Variants in CTDSP2 observed in about 807,000 individuals in gnomAD.
CTDSP2 encodes CTD small phosphatase 2, also known as carboxy-terminal domain RNA polymerase II polypeptide A small phosphatase 2.
CTDSP2 carries 9 observed loss-of-function variants against 31.6 expected under a neutral mutation model. The ratio of observed to expected loss-of-function variants is 0.28; its 90% CI spans 0.17 to 0.50. The LOEUF is 0.50. CTDSP2 is among the 20% of genes least tolerant of loss of function. CTDSP2 has a pLI of 0.98. For synonymous variants in CTDSP2, 134 were observed against 134.5 expected (o/e 1.00, Z 0.03); for missense variants, 267 against 348.5 (o/e 0.77, Z 1.86).
chr12:57,827,398 G>T, intron 3 of CTDSP2, 154 bp downstream of exon 3: 1 of 778,098 alleles, frequency 1.3e-6, no homozygotes. Context: ...CTTGCACATA[G>T]CAGGCCCTCA....
chr12:57,829,724 A>C, intron 1 of CTDSP2, 128 bp from the exon 2 acceptor site: 1 of 693,370 alleles, frequency 1.4e-6, no homozygotes, highest in South Asian at 2.0e-5. Flanking sequence ...GCTGGTGAAC[A>C]ACCACATACA....
chr12:57,828,745 A>G (rs1008101661), intron 2 of CTDSP2, among the ~76,000 whole-genome samples: 4 of 152,250 alleles, frequency 2.6e-5, no homozygotes, highest in African/African-American at 9.6e-5. Flanking sequence ...CCTGGTCTTG[A>G]GAAAAAGGAA....
rs1956201716 is a variant in CTDSP2 at position 57,829,433 on chromosome 12, C to T, written c.213+15G>A. 6.2e-7 allele frequency: 1 copy of T among 1,611,446 alleles called. No individual in the cohort carries two copies. The highest frequency in any genetic ancestry group is 1.1e-5 in the South Asian group (1 of 91,030). On this transcript the variant is annotated intron_variant, in intron 2 of 7. Transcript: ENST00000398073. ...TCCCTTCATTGCTGGCATCTTACCACCCCAACCCACCTACCTTAGCAATGG... is the reference window on the plus strand; with the variant it reads ...TCCCTTCATTGCTGGCATCTTACCATCCCAACCCACCTACCTTAGCAATGG...
In CTDSP2 at chr12:57,846,639, C is replaced by T. The variant is rs897425852; in HGVS notation, c.-204G>A. ...AGGGCGGGCGGCCCGGGCAGCGGCT[C>T]CCCCGGGTGCCCCCGGCCCCGATCC... On this transcript the variant is annotated 5_prime_UTR_variant, in exon 1 of 8. Coordinates refer to ENST00000398073, the MANE Select transcript of CTDSP2 (RefSeq NM_005730.4). The T allele has an allele frequency of 1.3e-5, 6 of 455,942 alleles. No homozygotes were observed. Among genetic ancestry groups the T allele is most frequent in the South Asian group, 3.7e-5 (1 of 26,682 alleles). The allele number at this position is 455,942 out of a possible 1,614,324, so 28.2% of individuals were successfully genotyped here. A position where few individuals can be genotyped will look rare whatever the true frequency, so the allele number is the denominator to read the frequency against.
At chr12:57,844,710 G>A (rs570753439) in intron 1 of CTDSP2, among the ~76,000 whole-genome samples, 11 of 152,226 alleles carry the variant, frequency 7.2e-5, no homozygotes, top group African/African-American at 2.6e-4. Flanking sequence ...AGCAGAGGCG[G>A]TGAAGTTGCT....
At chr12:57,841,806 A>C (rs1956284188) in intron 1 of CTDSP2, among the ~76,000 whole-genome samples, 1 of 152,232 alleles carries the variant, frequency 6.6e-6, no homozygotes, top group Admixed American at 6.5e-5. Context: ...TAGTCTAACT[A>C]TGTAAAGAGG....
At chr12:57,834,476 C>T (rs1323213163) in intron 1 of CTDSP2, among the ~76,000 whole-genome samples, 2 of 152,186 alleles carry the variant, frequency 1.3e-5, no homozygotes, top group African/African-American at 4.8e-5. Context: ...CCACCCCCAC[C>T]CCTGCCTGCA....
intron 5 of CTDSP2, chr12:57,824,804 A>G (rs931284478): frequency 2.5e-6 from 1 of 402,284 alleles, no homozygotes; most frequent in Non-Finnish European, 5.1e-6. Context: ...ACCATAGACT[A>G]GACAGACACC....
rs1043792784 is a variant in CTDSP2 at position 57,846,654 on chromosome 12, G to A, written c.-219C>T. 4 of 450,556 alleles carry A rather than the reference G, an allele frequency of 8.9e-6. No homozygotes were observed. Among genetic ancestry groups the A allele is most frequent in the African/African-American group, 4.2e-5 (2 of 47,840 alleles). The allele number at this position is 450,556 out of a possible 1,614,324, so 27.9% of individuals were successfully genotyped here. Reference sequence around the variant, plus strand: ...GGCAGCGGCTCCCCCGGGTGCCCCCGGCCCCGATCCCCCAGCGGCAGCTCC... The same window carrying A: ...GGCAGCGGCTCCCCCGGGTGCCCCCAGCCCCGATCCCCCAGCGGCAGCTCC... On this transcript the variant is annotated 5_prime_UTR_variant, in exon 1 of 8. Transcript: ENST00000398073.
rs1453545683 is a variant in CTDSP2, at chr12:57,823,056, C to T, written c.*546G>A. ...TGCTGGTCTGGAAACAAGTTCTCAT[C>T]TTCCCAGAAATGTGATCTTTTGTCT... On this transcript the variant is annotated 3_prime_UTR_variant, in exon 8 of 8. Transcript: ENST00000398073. 2 of 156,314 alleles carry T rather than the reference C, an allele frequency of 1.3e-5. No individual in the cohort carries two copies. The highest frequency in any genetic ancestry group is 4.8e-5 in the African/African-American group (2 of 41,498). The allele number at this position is 156,314 out of a possible 1,614,324, so 9.7% of individuals were successfully genotyped here.
At position 57,821,676 on chromosome 12, in the gene CTDSP2, CAA is replaced by C. The variant is rs895178806; in HGVS notation, c.*1924_*1925del. On this transcript the variant is annotated 3_prime_UTR_variant, in exon 8 of 8. Coordinates refer to ENST00000398073, the MANE Select transcript of CTDSP2 (RefSeq NM_005730.4). ...AAGAGTCTGAGCTCCTGCTTTCCTT[CAA>C]GAGACAGTATATTTCTGGCTAGCAC... 2.1e-4 allele frequency: 32 copies of C among 152,364 alleles called. No homozygotes were observed. Among genetic ancestry groups the C allele is most frequent in the African/African-American group, 7.7e-4 (32 of 41,578 alleles). The allele number at this position is 152,364 out of a possible 1,614,324, so 9.4% of individuals were successfully genotyped here.
In CTDSP2 at chr12:57,846,527, C is replaced by T. The variant is rs953784507; in HGVS notation, c.-92G>A. On this transcript the variant is annotated 5_prime_UTR_variant, in exon 1 of 8. Transcript: ENST00000398073. Reference sequence around the variant, plus strand: ...TGGGGGGCCTGGGCGGGGGCCCGCTCCGGCTCCCGAGACTCCGACTTCCAC... The same window carrying T: ...TGGGGGGCCTGGGCGGGGGCCCGCTTCGGCTCCCGAGACTCCGACTTCCAC... 1 of 1,072,790 alleles carries T rather than the reference C, an allele frequency of 9.3e-7. No homozygotes were observed. The highest frequency in any genetic ancestry group is 3.1e-5 in the East Asian group (1 of 31,932). 66.5% of individuals were successfully genotyped at this position (1,072,790 alleles called of 1,614,324 possible). A position where few individuals can be genotyped will look rare whatever the true frequency, so the allele number is the denominator to read the frequency against.
At position 57,823,641 on chromosome 12, in the gene CTDSP2, C is replaced by G. The variant is rs1956163148; in HGVS notation, c.777G>C (p.Glu259Asp). Residue 259 changes from glutamate (E) to aspartate (D), a missense_variant, in exon 8 of 8, where the codon GAG becomes GAC. Coordinates refer to ENST00000398073, the MANE Select transcript of CTDSP2 (RefSeq NM_005730.4). ...IPIFEELSGA[E>D]DVYTSLGQLR... Reference sequence around the variant, plus strand: ...GCTGCCCAAGGCTGGTGTAGACGTCCTCTGCTCCGCTCAGCTCCTCAAAGA... The same window carrying G: ...GCTGCCCAAGGCTGGTGTAGACGTCGTCTGCTCCGCTCAGCTCCTCAAAGA... 1 of 1,613,956 alleles carries G rather than the reference C, an allele frequency of 6.2e-7. No homozygotes were observed. Among genetic ancestry groups the G allele is most frequent in the Non-Finnish European group, 8.5e-7 (1 of 1,180,008 alleles).
intron 2 of CTDSP2, 91 bp downstream of exon 2, chr12:57,829,357 C>T: frequency 6.8e-7 from 1 of 1,479,154 alleles, no homozygotes; most frequent in Non-Finnish European, 9.3e-7. Flanking sequence ...CAACTTCAGG[C>T]AAAGCTTCCT....
At position 57,823,524 on chromosome 12, in the gene CTDSP2, A is replaced by C; in HGVS notation, c.*78T>G. The stretch of plus-strand genomic sequence containing the variant: ...CGTGTGGTGAGGCACTCCAGCTTCT[A>C]CTCTGTCACGCTGATCGTAAAGGCA... On this transcript the variant is annotated 3_prime_UTR_variant, in exon 8 of 8. Coordinates refer to ENST00000398073, the MANE Select transcript of CTDSP2 (RefSeq NM_005730.4). 1 of 1,541,724 alleles carries C rather than the reference A, an allele frequency of 6.5e-7. No individual in the cohort carries two copies. The highest frequency in any genetic ancestry group is 8.8e-7 in the Non-Finnish European group (1 of 1,134,614).
intron 1 of CTDSP2, among the ~76,000 whole-genome samples, chr12:57,832,652 C>A (rs373535233): frequency 1.3e-5 from 2 of 151,524 alleles, no homozygotes; most frequent in African/African-American, 4.8e-5. Flanking sequence ...AGTAGCCGGG[C>A]GTAGTGGCAC....
intron 2 of CTDSP2, among the ~76,000 whole-genome samples, chr12:57,828,832 C>A (rs1341371144): frequency 6.6e-6 from 1 of 152,236 alleles, no homozygotes; most frequent in Non-Finnish European, 1.5e-5. Flanking sequence ...TCGGGGCTGG[C>A]CCCACCTGTG....
rs895589071 is a variant in CTDSP2 at position 57,829,680 on chromosome 12, A to G, written c.65-84T>C. ...ATACTACCATGCCCATAGCTCTTCT[A>G]GTTTGTAAACTCTACTAGGGCACAC... On this transcript the variant is annotated intron_variant, in intron 1 of 7. Coordinates refer to ENST00000398073, the MANE Select transcript of CTDSP2 (RefSeq NM_005730.4). The G allele has an allele frequency of 3.8e-6, 5 of 1,312,092 alleles. No individual in the cohort carries two copies. The African/African-American group carries it at 5.8e-5, about 15-fold the overall frequency. 81.3% of individuals were successfully genotyped at this position (1,312,092 alleles called of 1,614,324 possible). A position where few individuals can be genotyped will look rare whatever the true frequency, so the allele number is the denominator to read the frequency against.
chr12:57,836,400 C>G (rs1229991858), intron 1 of CTDSP2, among the ~76,000 whole-genome samples: 2 of 152,192 alleles, frequency 1.3e-5, no homozygotes, highest in African/African-American at 2.4e-5. Flanking sequence ...TGGCTCAAGC[C>G]TGTAATCCCA....
Sources: gnomAD v4.1 joint callset for allele counts (sites outside exome capture counted in the v4.1 genomes callset) on GRCh38, gnomAD v4.1.1 for gene constraint, MANE v1.5 for transcripts, NCBI Gene and HGNC (gene_info 2026-07-23, HGNC 2026-07-21) for gene names.